CSMD3: variants seen among roughly 807,000 people sequenced by gnomAD.
CSMD3 encodes CUB and Sushi multiple domains 3.
CSMD3 carries 177 observed loss-of-function variants against 435.2 expected under a neutral mutation model. The observed-to-expected ratio is 0.41, with a 90% CI of 0.36 to 0.46. CSMD3 has a LOEUF of 0.46. Among genes scored for constraint, CSMD3 ranks in the 20% least tolerant of loss-of-function variants. The pLI is 0.34. For missense variants in CSMD3, 4,265 were observed against 4,504.6 expected (o/e 0.95, Z 1.52); for synonymous variants, 1,656 against 1,520.5 (o/e 1.09, Z -2.07).
Position 112,857,786 on chromosome 8 carries a change from C to T in CSMD3, c.1755+1359G>A, listed in dbSNP as rs145636034. On this transcript the variant is annotated intron_variant, in intron 11 of 70. Coordinates refer to ENST00000297405, the MANE Select transcript of CSMD3 (RefSeq NM_198123.2). ...GAAAAAAACTACTGAGAATAGTGTA[C>T]GGCATGCTGCTAAGTGTTCAACAAA... 2.3e-3 allele frequency among the ~76,000 whole-genome samples: 350 copies of T among 150,684 alleles called. 2 individuals are homozygous for T. Among genetic ancestry groups the T allele is most frequent in the East Asian group, 0.015 (76 of 5,158 alleles).
intron 1 of CSMD3, among the ~76,000 whole-genome samples, chr8:113,348,008 G>A (rs1563729705): frequency 6.6e-6 from 1 of 152,096 alleles, no homozygotes; most frequent in Non-Finnish European, 1.5e-5. Flanking sequence ...ATGGCTAAGA[G>A]TTCCTAGTAA....
intron 29 of CSMD3, 27 bp downstream of exon 29, chr8:112,506,664 C>A: frequency 6.2e-7 from 1 of 1,607,400 alleles, no homozygotes; most frequent in Non-Finnish European, 8.5e-7. Flanking sequence ...ATTTTTTTAA[C>A]GTGGAAATAA....
intron 3 of CSMD3, among the ~76,000 whole-genome samples, chr8:113,263,525 C>T (rs2093443761): frequency 4.0e-5 from 6 of 151,748 alleles, no homozygotes. Context: ...ATTGATTTCC[C>T]ATTTACTTTA....
rs2130029651 is a variant in CSMD3, at chr8:112,406,709, G to A, written c.5624C>T (p.Ser1875Phe). ...TTCAGGCACAGAACTGCATTGTGTA[G>A]AACTTGTTCTAGGAACAGCTGTGTA... ...FVYQAVPRTS[S>F]TQCSSVPEPR... Residue 1875 changes from serine (S) to phenylalanine (F), a missense_variant, in exon 35 of 71, where the codon TCT becomes TTT. Ser to Phe is a radical substitution (Grantham distance 155). This residue lies in a region of CSMD3 where 3,255 missense variants were observed against 3,380.2 expected (regional missense o/e 0.96). Transcript: ENST00000297405. 1 of 1,603,128 alleles carries A rather than the reference G, an allele frequency of 6.2e-7. No individual in the cohort carries two copies. Among genetic ancestry groups the A allele is most frequent in the Non-Finnish European group, 8.5e-7 (1 of 1,172,478 alleles).
chr8:113,085,166 G>A (rs901144682), intron 5 of CSMD3, among the ~76,000 whole-genome samples: 5 of 151,774 alleles, frequency 3.3e-5, no homozygotes, highest in African/African-American at 9.7e-5. Flanking sequence ...TGCAAAGTGG[G>A]AGAAAATATT....
At chr8:112,866,539 G>C (rs1001842220) in intron 10 of CSMD3, among the ~76,000 whole-genome samples, 2 of 152,102 alleles carry the variant, frequency 1.3e-5, no homozygotes, top group Admixed American at 1.3e-4. Flanking sequence ...GAATCCGCTA[G>C]AAGAATCAAG....
chr8:113,093,378 T>C (rs987779019), intron 5 of CSMD3, among the ~76,000 whole-genome samples: 3 of 151,808 alleles, frequency 2.0e-5, no homozygotes, highest in African/African-American at 7.3e-5. Flanking sequence ...CAGTGAGTAA[T>C]AGAAAAAGAT....
chr8:112,956,411 T>G (rs1169471050), intron 7 of CSMD3, among the ~76,000 whole-genome samples: 2 of 152,112 alleles, frequency 1.3e-5, no homozygotes, highest in South Asian at 2.1e-4. Flanking sequence ...CTCAAAATAC[T>G]TTTTAACAAA....
intron 32 of CSMD3, among the ~76,000 whole-genome samples, chr8:112,411,043 A>G (rs983341297): frequency 6.6e-6 from 1 of 150,752 alleles, no homozygotes; most frequent in Non-Finnish European, 1.5e-5. Flanking sequence ...GCAAACCACT[A>G]TATTTACAAA....
At chr8:113,259,264 G>A (rs1018820610) in intron 3 of CSMD3, among the ~76,000 whole-genome samples, 2 of 152,028 alleles carry the variant, frequency 1.3e-5, no homozygotes, top group Admixed American at 6.6e-5. Context: ...TAAAGGGTAC[G>A]TTTTCATTTT....
chr8:113,428,258 ATCTT>A (rs1403825586), intron 1 of CSMD3, among the ~76,000 whole-genome samples: 14 of 136,056 alleles, frequency 1.0e-4, no homozygotes, highest in Admixed American at 2.9e-4. Context: ...CTATCTATCT[ATCTT>A]TCTGTCTAAT....
intron 10 of CSMD3, among the ~76,000 whole-genome samples, chr8:112,888,606 T>C (rs2081682383): frequency 6.6e-6 from 1 of 151,658 alleles, no homozygotes; most frequent in Non-Finnish European, 1.5e-5. Flanking sequence ...AAACCTCCAA[T>C]GAAACTTGTA....
chr8:113,232,228 T>C (rs2132193929), intron 3 of CSMD3, among the ~76,000 whole-genome samples: 1 of 151,722 alleles, frequency 6.6e-6, no homozygotes, highest in South Asian at 2.1e-4. Flanking sequence ...TAAAACTTCC[T>C]GAAAAATATT....
chr8:113,422,774 T>A (rs1172303391), intron 1 of CSMD3, among the ~76,000 whole-genome samples: 1 of 152,166 alleles, frequency 6.6e-6, no homozygotes, highest in Non-Finnish European at 1.5e-5. Context: ...TTTTGGCTTC[T>A]TAGGCTATTT....
intron 9 of CSMD3, among the ~76,000 whole-genome samples, chr8:112,943,690 T>A (rs1312142959): frequency 6.6e-6 from 1 of 151,776 alleles, no homozygotes; most frequent in East Asian, 1.9e-4. Context: ...GATTTCCATA[T>A]CTTATATGAG....
At chr8:112,871,803 G>A (rs1032596622) in intron 10 of CSMD3, among the ~76,000 whole-genome samples, 3 of 152,000 alleles carry the variant, frequency 2.0e-5, no homozygotes, top group Non-Finnish European at 2.9e-5. Context: ...GTATGGGAAG[G>A]AAAGTTATAC....
chr8:112,877,122 T>C (rs2081306038), intron 10 of CSMD3, among the ~76,000 whole-genome samples: 1 of 152,008 alleles, frequency 6.6e-6, no homozygotes, highest in Admixed American at 6.5e-5. Flanking sequence ...CATAAACAAA[T>C]GGAAAAACAT....
chr8:113,017,600 C>T (rs575224142), intron 6 of CSMD3, among the ~76,000 whole-genome samples: 2 of 151,876 alleles, frequency 1.3e-5, no homozygotes, highest in Admixed American at 1.3e-4. Flanking sequence ...TTCTGCCATG[C>T]CATTGGCCTT....
At chr8:113,219,277 A>G (rs1169947061) in intron 3 of CSMD3, among the ~76,000 whole-genome samples, 1 of 151,372 alleles carries the variant, frequency 6.6e-6, no homozygotes, top group Admixed American at 6.6e-5. Flanking sequence ...AATAGAGAAG[A>G]GAAGTAAAAC....
Sources: gnomAD v4.1 joint callset for allele counts (sites outside exome capture counted in the v4.1 genomes callset) on GRCh38, gnomAD v4.1.1 for gene constraint, gnomAD v4.1.1 regional missense constraint, MANE v1.5 for transcripts, NCBI Gene and HGNC (gene_info 2026-07-23, HGNC 2026-07-21) for gene names.